The following GULP1 variants were observed in gnomAD, a reference collection of about 807,000 sequenced individuals.
The protein encoded by GULP1 is GULP PTB domain containing engulfment adaptor 1, also known as PTB domain-containing engulfment adapter protein 1.
GULP1 carries 19 observed loss-of-function variants against 40.9 expected under a neutral mutation model. The ratio of observed to expected loss-of-function variants is 0.46; its 90% CI spans 0.32 to 0.68. The LOEUF is 0.68. Among genes scored for constraint, GULP1 ranks in the 30% least tolerant of loss-of-function variants. The pLI, the probability that GULP1 is intolerant of heterozygous loss-of-function variation, is 0.03. For missense variants in GULP1, 312 were observed against 362.2 expected, an observed-to-expected ratio of 0.86 and a Z score of 1.12; for synonymous variants, 119 against 117.6, an observed-to-expected ratio of 1.01 and a Z score of -0.08.
chr2:188,550,700 C>T (rs1164921486), intron 7 of GULP1, among the ~76,000 whole-genome samples: 1 of 151,452 alleles, frequency 6.6e-6, no homozygotes, highest in East Asian at 1.9e-4. Context: ...CAAGGTCTGT[C>T]TGTGAGAAGG....
chr2:188,384,193 G>A (rs1423060473), intron 2 of GULP1: 1 of 152,082 alleles, frequency 6.6e-6, no homozygotes, highest in Non-Finnish European at 1.5e-5. Context: ...ACATACTCAT[G>A]ACTGGGAAAT....
At chr2:188,533,263 A>G (rs1021481933) in intron 6 of GULP1, among the ~76,000 whole-genome samples, 1 of 152,148 alleles carries the variant, frequency 6.6e-6, no homozygotes, top group Admixed American at 6.5e-5. Flanking sequence ...TCAAAAATTA[A>G]GCTGGGCTTA....
At chr2:188,330,909 G>T (rs980495127) in intron 1 of GULP1, among the ~76,000 whole-genome samples, 2 of 152,100 alleles carry the variant, frequency 1.3e-5, no homozygotes, top group African/African-American at 4.8e-5. Flanking sequence ...CCAGAGCCTT[G>T]AGCTTTTACT....
chr2:188,304,864 C>G lies in GULP1; in HGVS notation c.-172+12698C>G, dbSNP rs117811211. Among the ~76,000 whole-genome samples, 6 of 152,300 alleles carry G rather than the reference C, an allele frequency of 3.9e-5. No homozygotes were observed. The East Asian group carries it at 1.2e-3, about 29-fold the overall frequency. On this transcript the variant is annotated intron_variant, in intron 1 of 11. Coordinates refer to ENST00000409830, the MANE Select transcript of GULP1 (RefSeq NM_016315.4). ...ATGTTTTTCCTCTGCTCTCATACAACAACAACCAGCACAGATGACTTCTGT... is the reference window on the plus strand; with the variant it reads ...ATGTTTTTCCTCTGCTCTCATACAAGAACAACCAGCACAGATGACTTCTGT...
At chr2:188,410,017 A>G (rs2053655586) in intron 2 of GULP1, among the ~76,000 whole-genome samples, 1 of 152,200 alleles carries the variant, frequency 6.6e-6, no homozygotes, top group Non-Finnish European at 1.5e-5. Flanking sequence ...ATGAAGCAGG[A>G]TAAAGTGCCC....
intron 5 of GULP1, among the ~76,000 whole-genome samples, chr2:188,523,261 A>G (rs1236998732): frequency 2.0e-5 from 3 of 152,198 alleles, no homozygotes; most frequent in Non-Finnish European, 4.4e-5. Flanking sequence ...TTTTGCAGTG[A>G]CACTGTATGT....
At chr2:188,368,341 G>C (rs1054388530) in intron 1 of GULP1, among the ~76,000 whole-genome samples, 6 of 152,044 alleles carry the variant, frequency 3.9e-5, no homozygotes, top group African/African-American at 1.4e-4. Context: ...TGGCACTTTG[G>C]GGGCATAGGC....
chr2:188,494,098 C>T (rs1429524792), intron 4 of GULP1, among the ~76,000 whole-genome samples: 1 of 151,992 alleles, frequency 6.6e-6, no homozygotes, highest in Non-Finnish European at 1.5e-5. Context: ...TCCCAGACAA[C>T]AAGGACTGAT....
intron 1 of GULP1, among the ~76,000 whole-genome samples, chr2:188,332,170 T>C (rs893848510): frequency 1.5e-4 from 23 of 150,240 alleles, no homozygotes; most frequent in African/African-American, 4.1e-4. Context: ...ACAAGGCCAT[T>C]CCATCGGTCA....
At chr2:188,293,750 A>G (rs937382185) in intron 1 of GULP1, 2 of 152,232 alleles carry the variant, frequency 1.3e-5, no homozygotes, top group Admixed American at 6.5e-5. Context: ...TGAGCTGTCC[A>G]GGAGTGTTTT....
intron 2 of GULP1, among the ~76,000 whole-genome samples, chr2:188,408,407 G>A (rs1295289603): frequency 2.0e-5 from 3 of 152,036 alleles, no homozygotes; most frequent in African/African-American, 7.2e-5. Flanking sequence ...GTCAAAAACT[G>A]TAAAATAAGA....
intron 2 of GULP1, among the ~76,000 whole-genome samples, chr2:188,466,154 G>T (rs2060094484): frequency 1.3e-5 from 2 of 152,180 alleles, no homozygotes; most frequent in South Asian, 4.1e-4. Flanking sequence ...GCAACTCATG[G>T]CCATTTTTCA....
intron 7 of GULP1, among the ~76,000 whole-genome samples, chr2:188,549,673 A>C (rs528653719): frequency 6.6e-6 from 1 of 151,928 alleles, no homozygotes; most frequent in Admixed American, 6.6e-5. Context: ...TCACACAAAA[A>C]CCTATACACA....
At chr2:188,360,882 A>C (rs552948789) in intron 1 of GULP1, among the ~76,000 whole-genome samples, 14 of 152,090 alleles carry the variant, frequency 9.2e-5, no homozygotes, top group Non-Finnish European at 1.9e-4. Flanking sequence ...TCTTGATTTT[A>C]ATATATAATA....
chr2:188,395,837 G>A (rs2051174614), intron 2 of GULP1, among the ~76,000 whole-genome samples: 1 of 152,168 alleles, frequency 6.6e-6, no homozygotes, highest in African/African-American at 2.4e-5. Flanking sequence ...TCCAGAAGCA[G>A]GTACTAGTGC....
intron 1 of GULP1, among the ~76,000 whole-genome samples, chr2:188,322,806 T>C (rs1373519898): frequency 6.6e-6 from 1 of 152,154 alleles, no homozygotes; most frequent in African/African-American, 2.4e-5. Context: ...GACTTTGGCC[T>C]TCAATACCTC....
At chr2:188,492,709 G>T (rs934814098) in intron 4 of GULP1, among the ~76,000 whole-genome samples, 1 of 151,388 alleles carries the variant, frequency 6.6e-6, no homozygotes, top group African/African-American at 2.4e-5. Context: ...TTTAACAGAA[G>T]AAAAAAAAGT....
chr2:188,426,858 AAG>A (rs1175349272), intron 2 of GULP1, among the ~76,000 whole-genome samples: 4 of 152,214 alleles, frequency 2.6e-5, no homozygotes, highest in Non-Finnish European at 4.4e-5. Flanking sequence ...GGCTCAGAAG[AAG>A]ACAGAAAGAT....
intron 1 of GULP1, among the ~76,000 whole-genome samples, chr2:188,331,594 T>G (rs2041589122): frequency 6.6e-6 from 1 of 152,204 alleles, no homozygotes; most frequent in Admixed American, 6.6e-5. Flanking sequence ...ATTATAAATT[T>G]AGATTGTTAT....
Sources: allele counts gnomAD v4.1 joint callset (sites outside exome capture counted in the v4.1 genomes callset), GRCh38; gene constraint gnomAD v4.1.1; transcripts MANE v1.5; gene names NCBI Gene and HGNC (gene_info 2026-07-23, HGNC 2026-07-21).